TEX14: variants seen among roughly 807,000 people sequenced by gnomAD.
The protein encoded by TEX14 is inactive serine/threonine-protein kinase TEX14.
Under a neutral mutation model 178.6 loss-of-function variants are expected in TEX14, and 168 were observed. The ratio of observed to expected loss-of-function variants is 0.94; its 90% CI spans 0.83 to 1.07. The LOEUF (loss-of-function observed/expected upper bound fraction) is 1.07. TEX14 is among the 50% of genes least tolerant of loss of function. The pLI is 0.00. For synonymous variants in TEX14, 626 were observed against 634.1 expected (o/e 0.99, Z 0.19); for missense variants, 1,730 against 1,753.6 (o/e 0.99, Z 0.24).
intron 1 of TEX14, among the ~76,000 whole-genome samples, chr17:58,683,953 T>C (rs1050607184): frequency 1.1e-4 from 17 of 151,310 alleles, no homozygotes; most frequent in African/African-American, 4.1e-4. Flanking sequence ...TCATCCCAGC[T>C]ACTCGGGAGG....
intron 2 of TEX14, among the ~76,000 whole-genome samples, chr17:58,634,223 G>A (rs146346533): frequency 2.0e-4 from 31 of 151,910 alleles, no homozygotes; most frequent in African/African-American, 6.8e-4. Flanking sequence ...GACCAGCTTG[G>A]CCAACATGGT....
At chr17:58,679,172 CAGA>C (rs1468209638) in intron 1 of TEX14, among the ~76,000 whole-genome samples, 1 of 151,756 alleles carries the variant, frequency 6.6e-6, no homozygotes, top group Non-Finnish European at 1.5e-5. Flanking sequence ...AGAAAAAAAA[CAGA>C]AGGACTCTGG....
At chr17:58,666,705 T>C (rs1235143088) in intron 1 of TEX14, 5 of 152,176 alleles carry the variant, frequency 3.3e-5, no homozygotes, top group African/African-American at 1.2e-4. Flanking sequence ...TATGAGGTAC[T>C]TGCGTGACCC....
chr17:58,573,034 T>C (rs1337416931), intron 23 of TEX14, 147 bp downstream of exon 23: 1 of 1,174,100 alleles, frequency 8.5e-7, no homozygotes, highest in Non-Finnish European at 1.2e-6. Flanking sequence ...TGGCCTACAA[T>C]GGGATTACCC....
intron 1 of TEX14, among the ~76,000 whole-genome samples, chr17:58,676,804 A>G (rs1038261967): frequency 2.6e-5 from 4 of 151,606 alleles, no homozygotes; most frequent in African/African-American, 9.7e-5. Context: ...TGGGCAACAT[A>G]GCGAGACCCT....
chr17:58,644,710 C>T (rs1598413150), intron 2 of TEX14, among the ~76,000 whole-genome samples: 3 of 132,840 alleles, frequency 2.3e-5, no homozygotes, highest in South Asian at 2.7e-4. Flanking sequence ...GGCAAGATCT[C>T]GGCTCACTGC....
chr17:58,575,636 T>C (rs563455827), intron 21 of TEX14, among the ~76,000 whole-genome samples: 25 of 152,354 alleles, frequency 1.6e-4, no homozygotes, highest in African/African-American at 5.5e-4. Flanking sequence ...GAGTCACTTC[T>C]GGGCAGAAAC....
intron 31 of TEX14, among the ~76,000 whole-genome samples, chr17:58,557,287 T>TC (rs1050628896): frequency 3.9e-5 from 6 of 152,122 alleles, no homozygotes; most frequent in African/African-American, 1.4e-4. Flanking sequence ...TTTTTTTTTT[T>TC]TGAGACGGAG....
chr17:58,672,646 T>C (rs2047322431), intron 1 of TEX14, among the ~76,000 whole-genome samples: 1 of 152,168 alleles, frequency 6.6e-6, no homozygotes, highest in African/African-American at 2.4e-5. Context: ...GGTTTCACCA[T>C]GTTGGCCAGG....
rs1314947577 is a variant in TEX14, at chr17:58,585,879, C to T, written c.2992G>A (p.Gly998Ser). 5.6e-6 allele frequency: 9 copies of T among 1,614,024 alleles called. No homozygotes were observed. In the Admixed American group the frequency reaches 1.2e-4, roughly 21 times the overall value. Residue 998 changes from glycine to serine, a missense_variant, in exon 18 of 32, where the codon GGC (glycine) becomes AGC (serine). By Grantham distance (56) the Gly-to-Ser change is moderately conservative. Coordinates refer to ENST00000349033, the MANE Select transcript of TEX14 (RefSeq NM_031272.5). ...TTGTTGCCCGTCTTGTCAAACTTGC[C>T]ATTTCCTCTGGGCTCATCATTTTCC... ...HRENDEPRGN[G>S]KFDKTGNNDC...
chr17:58,690,807 AT>A (rs2047692857), intron 1 of TEX14, among the ~76,000 whole-genome samples: 1 of 152,174 alleles, frequency 6.6e-6, no homozygotes. Flanking sequence ...CAAAATCTTA[AT>A]AGCTCGGGGT....
At chr17:58,642,767 T>C (rs567762973) in intron 2 of TEX14, among the ~76,000 whole-genome samples, 1 of 152,166 alleles carries the variant, frequency 6.6e-6, no homozygotes, top group African/African-American at 2.4e-5. Flanking sequence ...CCAATCTTTC[T>C]GGAAACCTCT....
At chr17:58,653,127 G>A (rs904325465) in intron 1 of TEX14, among the ~76,000 whole-genome samples, 5 of 152,058 alleles carry the variant, frequency 3.3e-5, no homozygotes, top group Non-Finnish European at 5.9e-5. Context: ...TAGTAGAGAC[G>A]AGGTTTCACC....
intron 5 of TEX14, among the ~76,000 whole-genome samples, chr17:58,619,744 G>A (rs1202938301): frequency 1.3e-5 from 2 of 150,264 alleles, no homozygotes; most frequent in Non-Finnish European, 3.0e-5. Flanking sequence ...AGAGGTTGTG[G>A]TGAGCCGAGA....
intron 18 of TEX14, 61 bp from the exon 19 acceptor site, chr17:58,584,661 A>G (rs779623978): frequency 1.5e-6 from 2 of 1,331,324 alleles, no homozygotes; most frequent in Non-Finnish European, 2.2e-6. Flanking sequence ...AACATGGAAG[A>G]GGATAAAGGT....
At chr17:58,614,282 G>A (rs1033854532) in intron 8 of TEX14, among the ~76,000 whole-genome samples, 1 of 152,176 alleles carries the variant, frequency 6.6e-6, no homozygotes, top group Admixed American at 6.5e-5. Context: ...TTGAAATCAG[G>A]AGTTTGAGGC....
intron 2 of TEX14, among the ~76,000 whole-genome samples, chr17:58,648,386 C>T (rs2046761551): frequency 6.6e-6 from 1 of 152,152 alleles, no homozygotes; most frequent in African/African-American, 2.4e-5. Context: ...GGTAGAATCC[C>T]CTTAGATGGC....
At chr17:58,595,443 A>C (rs1208996534) in intron 14 of TEX14, among the ~76,000 whole-genome samples, 1 of 152,206 alleles carries the variant, frequency 6.6e-6, no homozygotes, top group Non-Finnish European at 1.5e-5. Context: ...CCACCCAGTG[A>C]ATCTGGGCTG....
At chr17:58,683,234 A>G (rs1204566988) in intron 1 of TEX14, among the ~76,000 whole-genome samples, 3 of 151,332 alleles carry the variant, frequency 2.0e-5, no homozygotes, top group Non-Finnish European at 1.5e-5. Context: ...TTAGCTGGGC[A>G]TGGTGGCACG....
Sources: gnomAD v4.1 joint callset for allele counts (sites outside exome capture counted in the v4.1 genomes callset) on GRCh38, gnomAD v4.1.1 for gene constraint, MANE v1.5 for transcripts, NCBI Gene and HGNC (gene_info 2026-07-23, HGNC 2026-07-21) for gene names.